PALLD: variants seen among roughly 807,000 people sequenced by gnomAD.
PALLD encodes the protein palladin, cytoskeletal associated protein, also known as palladin.
Under a neutral mutation model 123.5 loss-of-function variants are expected in PALLD, and 61 were observed. That is an observed-to-expected ratio of 0.49 (90% CI 0.40 to 0.61). The LOEUF (loss-of-function observed/expected upper bound fraction) is 0.61, where lower values mean the gene tolerates loss of function less well. PALLD is among the 20% of genes least tolerant of loss of function. PALLD has a pLI of 0.00. For synonymous variants in PALLD, 465 were observed against 496.4 expected, an observed-to-expected ratio of 0.94 and a Z score of 0.84; for missense variants, 1,273 against 1,377.0, an observed-to-expected ratio of 0.92 and a Z score of 1.20.
At chr4:168,691,359 A>C in intron 8 of PALLD, 67 bp downstream of exon 8, 20 of 1,295,836 alleles carry the variant, frequency 1.5e-5, no homozygotes, top group East Asian at 2.3e-5. Context: ...TTTGGGTCTC[A>C]ATAGTTCTTT....
At chr4:168,679,102 TG>T (rs1317681918) in intron 3 of PALLD, among the ~76,000 whole-genome samples, 1 of 89,934 alleles carries the variant, frequency 1.1e-5, no homozygotes, top group Non-Finnish European at 2.1e-5. Context: ...GGGGTGTTTA[TG>T]GTGGGTGTGT....
At chr4:168,839,814 T>C (rs573860097) in intron 10 of PALLD, among the ~76,000 whole-genome samples, 3 of 152,310 alleles carry the variant, frequency 2.0e-5, no homozygotes, top group South Asian at 4.1e-4. Flanking sequence ...CAGATGGTAA[T>C]TTAAGCCTTG....
chr4:168,913,373 G>A (rs1034595102), intron 15 of PALLD, among the ~76,000 whole-genome samples: 3 of 151,902 alleles, frequency 2.0e-5, no homozygotes, highest in African/African-American at 7.3e-5. Flanking sequence ...TCCTGACCTC[G>A]TGATCCACCT....
intron 2 of PALLD, among the ~76,000 whole-genome samples, chr4:168,635,208 G>T (rs1665506155): frequency 6.6e-6 from 1 of 152,198 alleles, no homozygotes. Flanking sequence ...AGATGGTTTT[G>T]CTCAACCTCC....
intron 14 of PALLD, among the ~76,000 whole-genome samples, chr4:168,900,381 A>T (rs1429542105): frequency 6.6e-6 from 1 of 152,190 alleles, no homozygotes; most frequent in Non-Finnish European, 1.5e-5. Context: ...AAATAACTTT[A>T]AAAAGATTGA....
intron 10 of PALLD, among the ~76,000 whole-genome samples, chr4:168,803,851 C>T (rs1018375337): frequency 3.3e-5 from 5 of 152,266 alleles, no homozygotes; most frequent in East Asian, 1.9e-4. Context: ...CAGTGCAAAA[C>T]GGTGTATGAA....
rs894148717 is a variant in PALLD, at chr4:168,761,604, G to A, written c.1964+49681G>A. On this transcript the variant is annotated intron_variant, in intron 10 of 21. Transcript: ENST00000505667. ...GCCTCCTGAGTAGTGGGGACTACAC[G>A]CACACACCACCACGCCCAGCTATTT... Among the ~76,000 whole-genome samples, 15 of 138,238 alleles carry A rather than the reference G, an allele frequency of 1.1e-4. No individual in the cohort carries two copies. The East Asian group carries it at 3.2e-3, about 30-fold the overall frequency. The allele number at this position is 138,238 out of a possible 152,430, so 90.7% of individuals were successfully genotyped here.
intron 3 of PALLD, among the ~76,000 whole-genome samples, chr4:168,679,816 G>A (rs995114747): frequency 1.3e-5 from 2 of 151,942 alleles, no homozygotes; most frequent in East Asian, 3.9e-4. Context: ...AAATCTAGCC[G>A]ACACAGGGAG....
At chr4:168,794,527 C>CACAT (rs1738207623) in intron 10 of PALLD, among the ~76,000 whole-genome samples, 1 of 148,410 alleles carries the variant, frequency 6.7e-6, no homozygotes, top group Non-Finnish European at 1.5e-5. Context: ...CACACACACA[C>CACAT]ACACACACAC....
intron 10 of PALLD, among the ~76,000 whole-genome samples, chr4:168,733,791 TG>T (rs1787420504): frequency 6.6e-6 from 1 of 152,148 alleles, no homozygotes; most frequent in African/African-American, 2.4e-5. Flanking sequence ...CGGACTGCAG[TG>T]GGTGCTATCT....
intron 10 of PALLD, among the ~76,000 whole-genome samples, chr4:168,848,169 AC>A (rs576434729): frequency 1.0e-4 from 1 of 9,852 alleles, no homozygotes; most frequent in Non-Finnish European, 2.6e-4. Context: ...ACCCCACCCC[AC>A]CCCACCCCTG....
chr4:168,735,361 GGAAA>G (rs1787636941), intron 10 of PALLD, among the ~76,000 whole-genome samples: 1 of 152,154 alleles, frequency 6.6e-6, no homozygotes, highest in African/African-American at 2.4e-5. Flanking sequence ...CCAAGGAGAA[GGAAA>G]GAGAGTATTT....
chr4:168,503,411 A>G (rs10014560), intron 1 of PALLD, among the ~76,000 whole-genome samples: 3,596 of 152,284 alleles, frequency 0.024, 142 homozygotes, highest in African/African-American at 0.082. Flanking sequence ...GCACTTTGGG[A>G]GGCCAAGGCG....
chr4:168,685,812 A>G (rs1234440100), intron 6 of PALLD, among the ~76,000 whole-genome samples: 28 of 27,344 alleles, frequency 1.0e-3, no homozygotes, highest in Admixed American at 2.5e-3. Context: ...GACAGATAGA[A>G]AAAAAAAAAA....
At position 168,921,596 on chromosome 4, in the gene PALLD, C is replaced by T; in HGVS notation, c.2913C>T (p.Asp971=). ...TAGATGGAAAGCCCGTACGCCCTGACAGTGCTCACAAGATGCTGGTGCGTG... is the reference window on the plus strand; with the variant it reads ...TAGATGGAAAGCCCGTACGCCCTGATAGTGCTCACAAGATGCTGGTGCGTG... ...WQLDGKPVRP[D]SAHKMLVREN... Residue 971 remains aspartate, a synonymous_variant, in exon 18 of 22, where the codon GAC becomes GAT. Coordinates refer to ENST00000505667, the MANE Select transcript of PALLD (RefSeq NM_001166108.2). The T allele has an allele frequency of 1.2e-6, 2 of 1,610,404 alleles. No individual in the cohort carries two copies. Among genetic ancestry groups the T allele is most frequent in the Non-Finnish European group, 1.7e-6 (2 of 1,179,404 alleles).
At chr4:168,519,037 A>G (rs1036958783) in intron 2 of PALLD, among the ~76,000 whole-genome samples, 2 of 152,254 alleles carry the variant, frequency 1.3e-5, no homozygotes, top group African/African-American at 2.4e-5. Context: ...TCAACCAAAG[A>G]AAAGCAAGTT....
chr4:168,865,845 T>C (rs188455732), intron 10 of PALLD, among the ~76,000 whole-genome samples: 5 of 152,114 alleles, frequency 3.3e-5, no homozygotes, highest in Admixed American at 3.3e-4. Context: ...CCTACTATAC[T>C]GCAAAGATAT....
intron 2 of PALLD, chr4:168,631,986 G>GC: frequency 9.1e-6 from 7 of 767,300 alleles, no homozygotes; most frequent in Non-Finnish European, 1.1e-5. Flanking sequence ...GTACTCGTGC[G>GC]AAGAGTACTG....
chr4:168,857,619 A>C (rs917096290), intron 10 of PALLD, among the ~76,000 whole-genome samples: 6 of 152,244 alleles, frequency 3.9e-5, no homozygotes, highest in African/African-American at 1.4e-4. Context: ...CTAGCGTGTT[A>C]ATATGCTGAC....
Sources: allele counts gnomAD v4.1 joint callset (sites outside exome capture counted in the v4.1 genomes callset), GRCh38; gene constraint gnomAD v4.1.1; transcripts MANE v1.5; gene names NCBI Gene and HGNC (gene_info 2026-07-23, HGNC 2026-07-21).